Variants in SUPT3H observed in about 807,000 individuals in gnomAD.
SUPT3H encodes the protein SPT3 homolog, SAGA and STAGA complex component.
SUPT3H carries 44 observed loss-of-function variants against 44.3 expected under a neutral mutation model. The observed-to-expected ratio is 0.99, with a 90% CI of 0.78 to 1.28. The LOEUF is 1.28. SUPT3H is among the 50% of genes most tolerant of loss of function. The pLI, the probability that SUPT3H is intolerant of heterozygous loss-of-function variation, is 0.00. For missense variants in SUPT3H, 380 were observed against 387.1 expected, an observed-to-expected ratio of 0.98 and a Z score of 0.15; for synonymous variants, 124 against 125.6, an observed-to-expected ratio of 0.99 and a Z score of 0.09.
chr6:45,001,164 T>C (rs1036808789), intron 6 of SUPT3H, among the ~76,000 whole-genome samples: 1 of 152,016 alleles, frequency 6.6e-6, no homozygotes, highest in African/African-American at 2.4e-5. Flanking sequence ...TTAGCTACAC[T>C]TAGACACACC....
chr6:45,306,975 C>T (rs954113221), intron 2 of SUPT3H, among the ~76,000 whole-genome samples: 40 of 152,332 alleles, frequency 2.6e-4, no homozygotes, highest in African/African-American at 8.9e-4. Flanking sequence ...GATTATATCC[C>T]GCACCTGGCT....
intron 10 of SUPT3H, among the ~76,000 whole-genome samples, chr6:44,884,785 C>T (rs888135777): frequency 3.9e-5 from 6 of 152,290 alleles, no homozygotes; most frequent in South Asian, 4.1e-4. Flanking sequence ...GTGCAGCACA[C>T]TGTGGGCGAG....
intron 2 of SUPT3H, among the ~76,000 whole-genome samples, chr6:45,325,619 A>T: frequency 6.6e-6 from 1 of 151,164 alleles, no homozygotes; most frequent in East Asian, 1.9e-4. Flanking sequence ...CAGAGAGGAT[A>T]AAATTTTATG....
At chr6:44,944,701 G>T (rs1286623486) in intron 9 of SUPT3H, among the ~76,000 whole-genome samples, 1 of 127,444 alleles carries the variant, frequency 7.8e-6, no homozygotes, top group African/African-American at 2.9e-5. Flanking sequence ...GATTCAGGCT[G>T]CAGTGAGCTA....
intron 2 of SUPT3H, among the ~76,000 whole-genome samples, chr6:45,179,555 G>C (rs1309143532): frequency 6.6e-6 from 1 of 152,142 alleles, no homozygotes; most frequent in Non-Finnish European, 1.5e-5. Flanking sequence ...TCATCCCTGG[G>C]ATGCAAGGCT....
At chr6:45,275,682 T>C (rs1776901352) in intron 2 of SUPT3H, among the ~76,000 whole-genome samples, 1 of 152,188 alleles carries the variant, frequency 6.6e-6, no homozygotes. Flanking sequence ...TAGCATTTCC[T>C]AGTTCTCATA....
chr6:45,064,966 G>C (rs1323009696), intron 3 of SUPT3H, among the ~76,000 whole-genome samples: 10 of 150,154 alleles, frequency 6.7e-5, no homozygotes, highest in Non-Finnish European at 1.3e-4. Flanking sequence ...GGACCTAATA[G>C]ACATCTACAG....
At chr6:45,020,294 T>C (rs1475533) in intron 4 of SUPT3H, among the ~76,000 whole-genome samples, 148,925 of 152,026 alleles carry the variant, frequency 0.98, 72,956 homozygotes, top group Middle Eastern at 1. Context: ...GCAATGAAAG[T>C]GTCTGCATAG....
intron 7 of SUPT3H, among the ~76,000 whole-genome samples, chr6:44,956,442 C>T (rs1362465015): frequency 1.6e-5 from 2 of 125,024 alleles, no homozygotes; most frequent in Non-Finnish European, 3.1e-5. Context: ...CGAGATGGCG[C>T]CACTGCACAA....
intron 3 of SUPT3H, among the ~76,000 whole-genome samples, chr6:45,040,716 A>G (rs899715758): frequency 6.6e-6 from 1 of 152,220 alleles, no homozygotes; most frequent in African/African-American, 2.4e-5. Context: ...ATCCTGTTGA[A>G]TAACAGAGAA....
intron 10 of SUPT3H, among the ~76,000 whole-genome samples, chr6:44,846,723 C>T (rs745435422): frequency 3.9e-5 from 6 of 152,058 alleles, no homozygotes; most frequent in Non-Finnish European, 8.8e-5. Context: ...CCTCCGCCTC[C>T]TGGGTTCAAG....
chr6:44,910,336 G>GT (rs1766816087), intron 10 of SUPT3H, among the ~76,000 whole-genome samples: 4 of 152,196 alleles, frequency 2.6e-5, no homozygotes, highest in African/African-American at 9.6e-5. Flanking sequence ...TCTCTACTGC[G>GT]TATCTTGCTG....
intron 10 of SUPT3H, among the ~76,000 whole-genome samples, chr6:44,892,009 T>C (rs1763387656): frequency 1.3e-5 from 2 of 152,078 alleles, no homozygotes; most frequent in Admixed American, 6.6e-5. Context: ...ATTATTTCTC[T>C]TATTAATTTA....
chr6:44,899,556 G>A (rs970157527), intron 10 of SUPT3H, among the ~76,000 whole-genome samples: 1 of 151,978 alleles, frequency 6.6e-6, no homozygotes, highest in South Asian at 2.1e-4. Context: ...GTGTGGTGGC[G>A]GGAACCTGTA....
At chr6:45,177,207 T>C (rs1183954249) in intron 2 of SUPT3H, among the ~76,000 whole-genome samples, 1 of 151,966 alleles carries the variant, frequency 6.6e-6, no homozygotes, top group Admixed American at 6.6e-5. Flanking sequence ...GAATAACCAA[T>C]ACAGAGAAGT....
At chr6:44,819,486 A>AT (rs572068213) in intron 11 of SUPT3H, among the ~76,000 whole-genome samples, 15,827 of 144,310 alleles carry the variant, frequency 0.11, 1,281 homozygotes, top group African/African-American at 0.23. Flanking sequence ...CAGACTAAGC[A>AT]TTTTTTTTTT....
intron 3 of SUPT3H, among the ~76,000 whole-genome samples, chr6:45,101,265 A>C (rs1798532258): frequency 6.6e-6 from 1 of 152,210 alleles, no homozygotes; most frequent in South Asian, 2.1e-4. Flanking sequence ...ATCTTTACTA[A>C]AAATACAAAA....
chr6:45,364,486 T>C (rs1338771983), intron 2 of SUPT3H, among the ~76,000 whole-genome samples: 1 of 152,152 alleles, frequency 6.6e-6, no homozygotes, highest in Non-Finnish European at 1.5e-5. Flanking sequence ...CACTATAATA[T>C]CTTGCCCCCC....
At position 44,961,809 on chromosome 6, in the gene SUPT3H, C is replaced by T. The variant is rs1351128751; in HGVS notation, c.524G>A (p.Arg175Gln). 3 of 1,607,310 alleles carry T rather than the reference C, an allele frequency of 1.9e-6. No individual in the cohort carries two copies. Among genetic ancestry groups the T allele is most frequent in the African/African-American group, 1.3e-5 (1 of 74,648 alleles). ...TGCATATTGAGCTGAATCCATAATT[C>T]GAGTTTGTCTTTCTGCTCTCTAAAA... ...ERMERAERQTRIMDSAQYAEF... is the reference protein window; with the variant it reads ...ERMERAERQTQIMDSAQYAEF... The change falls in exon 7 of 11, where the codon CGA becomes CAA. Residue 175 changes from arginine to glutamine, a missense_variant. Physicochemically the swap from Arg to Gln is conservative, Grantham distance 43 (BLOSUM62 1). Coordinates refer to ENST00000371459, the MANE Select transcript of SUPT3H (RefSeq NM_003599.4).
Sources: allele counts gnomAD v4.1 joint callset (sites outside exome capture counted in the v4.1 genomes callset), GRCh38; gene constraint gnomAD v4.1.1; transcripts MANE v1.5; gene names NCBI Gene and HGNC (gene_info 2026-07-23, HGNC 2026-07-21).